Variants in SDK1 observed in about 807,000 individuals in gnomAD.
SDK1 encodes the protein protein sidekick-1.
Under a neutral mutation model 245.5 loss-of-function variants are expected in SDK1, and 157 were observed. That is an observed-to-expected ratio of 0.64 (90% confidence interval 0.56 to 0.73). SDK1 has a LOEUF of 0.73. SDK1 is among the 30% of genes least tolerant of loss of function. The pLI, the probability that SDK1 is intolerant of heterozygous loss-of-function variation, is 0.00. For synonymous variants in SDK1, 1,647 were observed against 1,278.5 expected (o/e 1.29, Z -6.15); for missense variants, 3,583 against 3,002.3 (o/e 1.19, Z -4.52).
intron 1 of SDK1, among the ~76,000 whole-genome samples, chr7:3,391,026 G>A (rs1397660404): frequency 1.3e-5 from 2 of 152,106 alleles, no homozygotes; most frequent in African/African-American, 4.8e-5. Flanking sequence ...TGGAGTTCTG[G>A]AAGTTTGTTA....
intron 43 of SDK1, among the ~76,000 whole-genome samples, chr7:4,242,148 G>C (rs1008440930): frequency 6.6e-6 from 1 of 152,142 alleles, no homozygotes; most frequent in Non-Finnish European, 1.5e-5. Context: ...TTAGAAAGAG[G>C]GTCTCAGGTG....
chr7:4,158,701 T>C (rs1322456865), intron 31 of SDK1, 150 bp downstream of exon 31: 1 of 607,680 alleles, frequency 1.6e-6, no homozygotes, highest in East Asian at 2.8e-5. Context: ...GCTCGGAGGG[T>C]TTCCGCACAG....
intron 1 of SDK1, among the ~76,000 whole-genome samples, chr7:3,495,078 C>G (rs1781983435): frequency 6.6e-6 from 1 of 151,860 alleles, no homozygotes. Flanking sequence ...TGGGGTATTC[C>G]CTGTCTTGGT....
intron 44 of SDK1, among the ~76,000 whole-genome samples, chr7:4,264,913 G>C (rs1221557276): frequency 6.6e-6 from 1 of 151,466 alleles, no homozygotes; most frequent in East Asian, 1.9e-4. Context: ...TGCAGTGTCG[G>C]TCACACCTGG....
intron 5 of SDK1, among the ~76,000 whole-genome samples, chr7:3,930,035 G>A (rs1368786845): frequency 1.3e-5 from 2 of 151,976 alleles, no homozygotes; most frequent in South Asian, 4.2e-4. Context: ...GTTCTACTTG[G>A]AGACTCAGCC....
At chr7:3,791,497 T>C (rs931892713) in intron 4 of SDK1, among the ~76,000 whole-genome samples, 1 of 152,122 alleles carries the variant, frequency 6.6e-6, no homozygotes, top group African/African-American at 2.4e-5. Context: ...GAGCCCAAAA[T>C]AGCACGATGC....
chr7:3,962,407 C>T (rs1028733171), intron 8 of SDK1, among the ~76,000 whole-genome samples: 6 of 152,128 alleles, frequency 3.9e-5, no homozygotes, highest in African/African-American at 2.4e-5. Flanking sequence ...TGTGTGGGTT[C>T]GGAGTGGAGC....
chr7:3,854,988 A>G (rs1780509645), intron 5 of SDK1, among the ~76,000 whole-genome samples: 1 of 152,296 alleles, frequency 6.6e-6, no homozygotes, highest in East Asian at 1.9e-4. Context: ...CTTCATCTAC[A>G]GTGTCCTCCA....
At chr7:3,614,900 C>T (rs909127141) in intron 1 of SDK1, among the ~76,000 whole-genome samples, 4 of 143,998 alleles carry the variant, frequency 2.8e-5, no homozygotes, top group African/African-American at 4.9e-5. Context: ...TATATGAAAC[C>T]ATTCTTTAAA....
At chr7:3,761,698 C>G (rs994040256) in intron 4 of SDK1, among the ~76,000 whole-genome samples, 1 of 151,676 alleles carries the variant, frequency 6.6e-6, no homozygotes, top group Non-Finnish European at 1.5e-5. Flanking sequence ...AGTTTTGATA[C>G]AAGTTTGATT....
chr7:3,311,787 C>T (rs531277170), intron 1 of SDK1, among the ~76,000 whole-genome samples: 3 of 152,280 alleles, frequency 2.0e-5, no homozygotes, highest in South Asian at 2.1e-4. Flanking sequence ...ACAAGCGTTT[C>T]TGAAGTTTAA....
intron 4 of SDK1, among the ~76,000 whole-genome samples, chr7:3,773,573 A>G (rs1199295411): frequency 6.6e-6 from 1 of 151,900 alleles, no homozygotes; most frequent in East Asian, 1.9e-4. Flanking sequence ...TTTTTCTTTA[A>G]ATGAGTGATA....
intron 13 of SDK1, among the ~76,000 whole-genome samples, chr7:3,978,443 T>C (rs758309271): frequency 6.6e-6 from 1 of 152,238 alleles, no homozygotes; most frequent in Non-Finnish European, 1.5e-5. Flanking sequence ...TCTCTAAATA[T>C]AGAAATCTCT....
At chr7:3,715,270 A>G (rs916384651) in intron 4 of SDK1, among the ~76,000 whole-genome samples, 1 of 152,202 alleles carries the variant, frequency 6.6e-6, no homozygotes, top group South Asian at 2.1e-4. Context: ...GCTGCAGACT[A>G]TATATAAATT....
chr7:3,524,077 C>T (rs566580085), intron 1 of SDK1, among the ~76,000 whole-genome samples: 8 of 152,224 alleles, frequency 5.3e-5, no homozygotes, highest in South Asian at 2.1e-4. Context: ...CAAATATTGC[C>T]TGAGAAGAAG....
intron 35 of SDK1, among the ~76,000 whole-genome samples, chr7:4,191,628 G>A (rs547621206): frequency 2.6e-5 from 4 of 152,358 alleles, no homozygotes; most frequent in Admixed American, 1.3e-4. Flanking sequence ...CCCCCGAAGC[G>A]TGAGCCAGCC....
intron 1 of SDK1, among the ~76,000 whole-genome samples, chr7:3,406,310 G>A (rs1269672815): frequency 1.3e-5 from 2 of 152,164 alleles, no homozygotes; most frequent in Non-Finnish European, 2.9e-5. Context: ...GTATCTGTGG[G>A]AAAGCTTTTC....
intron 13 of SDK1, among the ~76,000 whole-genome samples, chr7:3,982,153 C>T (rs546273169): frequency 3.7e-4 from 57 of 152,346 alleles, no homozygotes; most frequent in African/African-American, 1.3e-3. Context: ...GCTAAATCTA[C>T]TTTGCCTGTG....
intron 1 of SDK1, among the ~76,000 whole-genome samples, chr7:3,498,313 C>T (rs1014891126): frequency 2.0e-5 from 3 of 152,118 alleles, no homozygotes; most frequent in Admixed American, 6.5e-5. Flanking sequence ...AGGTAGACTT[C>T]GGTTCTAGGA....
Sources: allele counts gnomAD v4.1 joint callset (sites outside exome capture counted in the v4.1 genomes callset), GRCh38; gene constraint gnomAD v4.1.1; transcripts MANE v1.5; gene names NCBI Gene and HGNC (gene_info 2026-07-23, HGNC 2026-07-21).